Variants in ZNF202 observed in about 807,000 individuals in gnomAD.
The protein encoded by ZNF202 is zinc finger protein with KRAB and SCAN domains 10.
ZNF202 carries 22 observed loss-of-function variants against 54.5 expected under a neutral mutation model. That is an observed-to-expected ratio of 0.40 (90% CI 0.29 to 0.58). The LOEUF (loss-of-function observed/expected upper bound fraction) is 0.58. Among genes scored for constraint, ZNF202 ranks in the 20% least tolerant of loss-of-function variants. The pLI is 0.39. For synonymous variants in ZNF202, 294 were observed against 301.4 expected (o/e 0.98, Z 0.26); for missense variants, 644 against 805.5 (o/e 0.80, Z 2.43).
chr11:123,734,930 G>A (rs1861569451), intron 3 of ZNF202, among the ~76,000 whole-genome samples: 1 of 151,838 alleles, frequency 6.6e-6, no homozygotes, highest in South Asian at 2.1e-4. Context: ...TGGTTCCCAA[G>A]ATGATGGAAC....
chr11:123,725,665 C>T lies in ZNF202; in HGVS notation c.*332G>A. The T allele has an allele frequency of 4.2e-6, 1 of 236,718 alleles. No individual in the cohort carries two copies. Among genetic ancestry groups the T allele is most frequent in the Non-Finnish European group, 8.3e-6 (1 of 120,318 alleles). 14.7% of individuals were successfully genotyped at this position (236,718 alleles called of 1,614,324 possible). A position where few individuals can be genotyped will look rare whatever the true frequency, so the allele number is the denominator to read the frequency against. The stretch of plus-strand genomic sequence containing the variant: ...GTTGAGCAGTCTTTAGGATATGTAA[C>T]AGCCTATTTTTTGGACGATATAGGA... On this transcript the variant is annotated 3_prime_UTR_variant, in exon 9 of 9. Coordinates refer to ENST00000530393, the MANE Select transcript of ZNF202 (RefSeq NM_003455.4).
At position 123,730,318 on chromosome 11, in the gene ZNF202, C is replaced by T. The variant is rs1861350921; in HGVS notation, c.402+169G>A. Among the ~76,000 whole-genome samples the T allele has an allele frequency of 6.6e-6, 1 of 152,214 alleles. No individual in the cohort carries two copies. The highest frequency in any genetic ancestry group is 2.4e-5 in the African/African-American group (1 of 41,448). ...AGGTGTTCCAATATCCAGAAAGTCACATTCATACACACACATCCCCCTAAT... is the reference window on the plus strand; with the variant it reads ...AGGTGTTCCAATATCCAGAAAGTCATATTCATACACACACATCCCCCTAAT... On this transcript the variant is annotated intron_variant, in intron 4 of 8. Transcript: ENST00000530393. The surrounding 1 kb of genome is among the most constrained non-coding windows in gnomAD (Gnocchi z 6.0).
chr11:123,727,393 G>A (rs1044842061), intron 8 of ZNF202, 83 bp downstream of exon 8: 2 of 1,578,406 alleles, frequency 1.3e-6, no homozygotes, highest in African/African-American at 2.7e-5. Flanking sequence ...ACTGATGAGA[G>A]CGGGGCCCTA....
At position 123,729,155 on chromosome 11, in the gene ZNF202, T is replaced by C. The variant is rs1271469653; in HGVS notation, c.673A>G (p.Met225Val). 1.9e-6 allele frequency: 3 copies of C among 1,613,992 alleles called. No individual in the cohort carries two copies. The Admixed American group carries it at 5.0e-5, about 27-fold the overall frequency. ...GACAGAGCAGTAAGAAGAGCAACCA[T>C]CTCTGAGTCTCCAGAGCTCCTCTCT... ...PAERSSGDSE[M>V]VALLTALSQG... The change falls in exon 6 of 9, where the codon ATG becomes GTG. Residue 225 changes from methionine (M) to valine (V), a missense_variant. Around this residue, in one of 3 missense-constraint regions of ZNF202, gnomAD observed 536 missense variants for 635.3 expected, o/e 0.84. Coordinates refer to ENST00000530393, the MANE Select transcript of ZNF202 (RefSeq NM_003455.4).
At position 123,725,710 on chromosome 11, in the gene ZNF202, C is replaced by T; in HGVS notation, c.*287G>A. On this transcript the variant is annotated 3_prime_UTR_variant, in exon 9 of 9. Coordinates refer to ENST00000530393, the MANE Select transcript of ZNF202 (RefSeq NM_003455.4). The stretch of plus-strand genomic sequence containing the variant: ...ATAGGAACCACGACCTCTTAAGTCT[C>T]TTAGTTCTCCTACTTTATACCCATG... 1 of 368,480 alleles carries T rather than the reference C, an allele frequency of 2.7e-6. No homozygotes were observed. Among genetic ancestry groups the T allele is most frequent in the Non-Finnish European group, 4.9e-6 (1 of 203,650 alleles). 22.8% of individuals were successfully genotyped at this position (368,480 alleles called of 1,614,324 possible). A position where few individuals can be genotyped will look rare whatever the true frequency, so the allele number is the denominator to read the frequency against.
chr11:123,732,446 G>A (rs144980313), intron 3 of ZNF202, among the ~76,000 whole-genome samples: 67 of 152,258 alleles, frequency 4.4e-4, no homozygotes, highest in African/African-American at 1.5e-3. Flanking sequence ...CAAGAGTCCC[G>A]TGTTCTTTAG....
intron 7 of ZNF202, among the ~76,000 whole-genome samples, chr11:123,727,894 T>C (rs963255784): frequency 1.3e-5 from 2 of 152,208 alleles, no homozygotes; most frequent in Non-Finnish European, 2.9e-5. Context: ...ACTTCAAATA[T>C]TTCTGCACTA....
Position 123,730,673 on chromosome 11 carries a change from G to A in ZNF202, c.216C>T (p.His72=). 2 of 1,614,142 alleles carry A rather than the reference G, an allele frequency of 1.2e-6. No homozygotes were observed. Among genetic ancestry groups the A allele is most frequent in the South Asian group, 1.1e-5 (1 of 91,082 alleles). Residue 72 remains histidine, a synonymous_variant, in exon 4 of 9, where the codon CAC becomes CAT. Transcript: ENST00000530393. This position sits in a 1 kb window ranked among gnomAD's most constrained non-coding sequence, Gnocchi z 6.0. Reference sequence around the variant, plus strand: ...TCCGCCTCTCTGGTCTCAGCCACTGGTGACAAAGTTCTCGGAGTCTGATGA... The same window carrying A: ...TCCGCCTCTCTGGTCTCAGCCACTGATGACAAAGTTCTCGGAGTCTGATGA... The part of the protein sequence containing the change: ...EALIRLRELC[H]QWLRPERRTK...
intron 6 of ZNF202, among the ~76,000 whole-genome samples, chr11:123,728,544 C>A (rs1011070360): frequency 9.2e-5 from 14 of 152,214 alleles, no homozygotes; most frequent in Non-Finnish European, 1.9e-4. Flanking sequence ...CAGCTCCCTA[C>A]TTGACACTTT....
chr11:123,728,942 G>C (rs1470475072), intron 6 of ZNF202, among the ~76,000 whole-genome samples, 184 bp downstream of exon 6: 1 of 152,110 alleles, frequency 6.6e-6, no homozygotes, highest in Non-Finnish European at 1.5e-5. Flanking sequence ...GTTGGTGCCT[G>C]TGGATCCAAT....
chr11:123,741,011 C>T (rs1458370937), intron 1 of ZNF202, among the ~76,000 whole-genome samples: 7 of 151,288 alleles, frequency 4.6e-5, no homozygotes, highest in East Asian at 2.0e-4. Context: ...ACTATCATCA[C>T]AGGTGACAAG....
At position 123,726,170 on chromosome 11, in the gene ZNF202, G is replaced by A. The variant is rs1187848646; in HGVS notation, c.1774C>T (p.Pro592Ser). Residue 592 changes from proline (P) to serine (S), a missense_variant, in exon 9 of 9, where the codon CCC (proline) becomes TCC (serine). By Grantham distance (74) the Pro-to-Ser change is moderately conservative (BLOSUM62 -1). Around this residue, in one of 3 missense-constraint regions of ZNF202, gnomAD observed 536 missense variants for 635.3 expected, o/e 0.84. Transcript: ENST00000530393. This position sits in a 1 kb window ranked among gnomAD's most constrained non-coding sequence, Gnocchi z 6.0. ...KHLRGHASVR[P>S]CRCNECGKSF... ...TTCCCACATTCGTTGCATCGGCAGG[G>A]CCTCACTGAGGCGTGTCCTCTCAAG... 6.2e-7 allele frequency: 1 copy of A among 1,614,242 alleles called. No individual in the cohort carries two copies. The highest frequency in any genetic ancestry group is 8.5e-7 in the Non-Finnish European group (1 of 1,180,044).
At chr11:123,740,642 T>A (rs1210048844) in intron 1 of ZNF202, 106 bp from the exon 2 acceptor site, 1 of 152,278 alleles carries the variant, frequency 6.6e-6, no homozygotes, top group African/African-American at 2.4e-5. Context: ...CAAGAAAGGC[T>A]GGGTCTAAGA....
In ZNF202 at chr11:123,726,742, A is replaced by G. The variant is rs1861159534; in HGVS notation, c.1202T>C (p.Val401Ala). 2 of 1,614,078 alleles carry G rather than the reference A, an allele frequency of 1.2e-6. No individual in the cohort carries two copies. Among genetic ancestry groups the G allele is most frequent in the Admixed American group, 1.7e-5 (1 of 60,008 alleles). ...GTTACAAGTGAAGCTCTTTCCACAC[A>G]CAGAACAGTCATGATGCCTCCCTAA... Reference protein sequence around the residue: ...PLLGRHHDCSVCGKSFTCNSH... With the variant: ...PLLGRHHDCSACGKSFTCNSH... The change falls in exon 9 of 9, where the codon GTG becomes GCG. Residue 401 changes from valine to alanine, a missense_variant. Val to Ala is a moderately conservative substitution (Grantham distance 64, BLOSUM62 0). Around this residue, in one of 3 missense-constraint regions of ZNF202, gnomAD observed 536 missense variants for 635.3 expected, o/e 0.84. Transcript: ENST00000530393. This position sits in a 1 kb window ranked among gnomAD's most constrained non-coding sequence, Gnocchi z 6.0.
In ZNF202 at chr11:123,730,815, T is replaced by C. The variant is rs1246870643; in HGVS notation, c.74A>G (p.Asp25Gly). 2 of 1,614,204 alleles carry C rather than the reference T, an allele frequency of 1.2e-6. No individual in the cohort carries two copies. The change falls in exon 4 of 9, where the codon GAT becomes GGT. Residue 25 changes from aspartate (D) to glycine (G), a missense_variant. By Grantham distance (94) the Asp-to-Gly change is moderately conservative. Coordinates refer to ENST00000530393, the MANE Select transcript of ZNF202 (RefSeq NM_003455.4). This position sits in a 1 kb window ranked among gnomAD's most constrained non-coding sequence, Gnocchi z 6.0. ...EEGILMVKLE[D>G]DFTCRPESVL... Reference sequence around the variant, plus strand: ...AGACTCTGGCCGACAGGTGAAATCATCTTCCAGTTTCACCATCAGAATTCC... The same window carrying C: ...AGACTCTGGCCGACAGGTGAAATCACCTTCCAGTTTCACCATCAGAATTCC...
intron 3 of ZNF202, among the ~76,000 whole-genome samples, chr11:123,733,260 T>C (rs1861490015): frequency 6.6e-6 from 1 of 152,230 alleles, no homozygotes; most frequent in African/African-American, 2.4e-5. Flanking sequence ...ATTATCTTCA[T>C]TCTTTCTCAA....
rs768814383 is a variant in ZNF202 at position 123,729,127 on chromosome 11, T to C, written c.701A>G (p.Gln234Arg). 6.2e-7 allele frequency: 1 copy of C among 1,613,846 alleles called. No homozygotes were observed. ...EMVALLTALS[Q>R]GLVTFKDVAV... ...GGTACAGAGGTAACTAGGGCACACC[T>C]GTGACAGAGCAGTAAGAAGAGCAAC... is the stretch of plus-strand genomic sequence containing the variant. The change falls in exon 6 of 9, where the codon CAG becomes CGG. Residue 234 changes from glutamine (Q) to arginine (R), a missense_variant and splice_region_variant. Coordinates refer to ENST00000530393, the MANE Select transcript of ZNF202 (RefSeq NM_003455.4).
At chr11:123,740,838 G>C (rs1436820726) in intron 1 of ZNF202, among the ~76,000 whole-genome samples, 6 of 152,238 alleles carry the variant, frequency 3.9e-5, no homozygotes. Flanking sequence ...GTATACTCCT[G>C]CTAAAAGTAA....
rs1376731192 is a variant in ZNF202 at position 123,741,654 on chromosome 11, G to A, written c.-399C>T. 6.5e-6 allele frequency: 1 copy of A among 152,722 alleles called. No individual in the cohort carries two copies. Among genetic ancestry groups the A allele is most frequent in the Admixed American group, 6.5e-5 (1 of 15,290 alleles). The allele number at this position is 152,722 out of a possible 1,614,324, so 9.5% of individuals were successfully genotyped here. On this transcript the variant is annotated 5_prime_UTR_variant, in exon 1 of 9. Coordinates refer to ENST00000530393, the MANE Select transcript of ZNF202 (RefSeq NM_003455.4). ...CGAGCCGCGCGGGGCCTAGCGGGTC[G>A]GAACACGTGGGGCCTTTGCGCCCGG...
Sources: gnomAD v4.1 joint callset for allele counts (sites outside exome capture counted in the v4.1 genomes callset) on GRCh38, gnomAD v4.1.1 for gene constraint, gnomAD v4.1.1 regional missense constraint, Gnocchi (gnomAD v3.1) non-coding constraint, MANE v1.5 for transcripts, NCBI Gene and HGNC (gene_info 2026-07-23, HGNC 2026-07-21) for gene names.